The following OR2AP1 variants were observed in gnomAD, a reference collection of about 807,000 sequenced individuals.
OR2AP1 encodes the protein olfactory receptor family 2 subfamily AP member 1.
In OR2AP1, 20 loss-of-function variants were observed where a neutral mutation model predicts 13.9. The observed-to-expected ratio is 1.44, with a 90% CI of 1.01 to 2.09. The LOEUF (loss-of-function observed/expected upper bound fraction) is 2.09. Among genes scored for constraint, OR2AP1 ranks in the 30% most tolerant of loss-of-function variants. The pLI is 0.00. For missense variants in OR2AP1, 490 were observed against 360.6 expected, an observed-to-expected ratio of 1.36 and a Z score of -2.91; for synonymous variants, 174 against 137.0, an observed-to-expected ratio of 1.27 and a Z score of -1.89.
In OR2AP1 at chr12:55,574,608, C is replaced by T. The variant is rs902700210; in HGVS notation, c.194C>T (p.Ser65Phe). Residue 65 changes from serine to phenylalanine, a missense_variant, in exon 2 of 2, where the codon TCC becomes TTC. By Grantham distance (155) the Ser-to-Phe change is radical (BLOSUM62 -2). Transcript: ENST00000641114. ...ATGTATTTCTTTCTCCGGAACTTCT[C>T]CTTCTTGGAAATTTCCTTCACAAAC... ...TPMYFFLRNF[S>F]FLEISFTNIF... 10 of 1,540,960 alleles carry T rather than the reference C, an allele frequency of 6.5e-6. No individual in the cohort carries two copies. Among genetic ancestry groups the T allele is most frequent in the Non-Finnish European group, 7.0e-6 (8 of 1,148,318 alleles).
intron 1 of OR2AP1, among the ~76,000 whole-genome samples, chr12:55,573,782 A>C (rs962045046): frequency 2.6e-5 from 4 of 152,212 alleles, no homozygotes; most frequent in Non-Finnish European, 5.9e-5. Context: ...AAAGGACAGA[A>C]TAGCATAACC....
chr12:55,574,305 T>G lies in OR2AP1; in HGVS notation c.-110T>G. 3.2e-6 allele frequency: 2 copies of G among 628,614 alleles called. No homozygotes were observed. The highest frequency in any genetic ancestry group is 4.0e-5 in the South Asian group (2 of 49,784). The allele number at this position is 628,614 out of a possible 1,614,324, so 38.9% of individuals were successfully genotyped here. On this transcript the variant is annotated 5_prime_UTR_variant, in exon 2 of 2. Transcript: ENST00000641114. ...CATCAGAGGAGAAGTTAATCATCCATTTCATTTTTTTCTTGTCAGACTTCA... is the reference window on the plus strand; with the variant it reads ...CATCAGAGGAGAAGTTAATCATCCAGTTCATTTTTTTCTTGTCAGACTTCA...
At position 55,574,263 on chromosome 12, in the gene OR2AP1, A is replaced by G; in HGVS notation, c.-152A>G. ...GGATCCAACATCATTCAAATGGGCC[A>G]CTGGTCTGGACTATGTCATCAGAGG... On this transcript the variant is annotated 5_prime_UTR_variant, in exon 2 of 2. Coordinates refer to ENST00000641114, the MANE Select transcript of OR2AP1 (RefSeq NM_001258285.2). 3.4e-6 allele frequency: 2 copies of G among 595,920 alleles called. No homozygotes were observed. The highest frequency in any genetic ancestry group is 4.3e-5 in the South Asian group (2 of 46,686). 36.9% of individuals were successfully genotyped at this position (595,920 alleles called of 1,614,324 possible).
Position 55,574,640 on chromosome 12 carries a change from A to T in OR2AP1, c.226A>T (p.Ile76Phe). ...FLEISFTNIFIPRVLISITTG... is the reference protein window; with the variant it reads ...FLEISFTNIFFPRVLISITTG... The stretch of plus-strand genomic sequence containing the variant: ...GGAAATTTCCTTCACAAACATCTTC[A>T]TTCCAAGGGTCCTGATTAGCATCAC... The change falls in exon 2 of 2, where the codon ATT (isoleucine) becomes TTT (phenylalanine). Residue 76 changes from isoleucine (I) to phenylalanine (F), a missense_variant. Physicochemically the swap from Ile to Phe is conservative, Grantham distance 21. Coordinates refer to ENST00000641114, the MANE Select transcript of OR2AP1 (RefSeq NM_001258285.2). 1 of 1,543,686 alleles carries T rather than the reference A, an allele frequency of 6.5e-7. No homozygotes were observed. The highest frequency in any genetic ancestry group is 8.7e-7 in the Non-Finnish European group (1 of 1,148,668).
Position 55,575,110 on chromosome 12 carries a change from G to C in OR2AP1, c.696G>C (p.Arg232Ser). The change falls in exon 2 of 2, where the codon AGG becomes AGC. Residue 232 changes from arginine (R) to serine (S), a missense_variant. Coordinates refer to ENST00000641114, the MANE Select transcript of OR2AP1 (RefSeq NM_001258285.2). ...TGAAGCTCCCCTCTGCCCAACAAAGGACAAAAGCCTTTTCCACATGTTCTT... is the reference window on the plus strand; with the variant it reads ...TGAAGCTCCCCTCTGCCCAACAAAGCACAAAAGCCTTTTCCACATGTTCTT... ...TILKLPSAQQ[R>S]TKAFSTCSSH... The C allele has an allele frequency of 1.3e-6, 2 of 1,588,144 alleles. No individual in the cohort carries two copies. Among genetic ancestry groups the C allele is most frequent in the Non-Finnish European group, 1.7e-6 (2 of 1,171,936 alleles).
In OR2AP1 at chr12:55,575,365, C is replaced by A; in HGVS notation, c.*21C>A. 2 of 1,363,898 alleles carry A rather than the reference C, an allele frequency of 1.5e-6. No homozygotes were observed. The highest frequency in any genetic ancestry group is 2.0e-6 in the Non-Finnish European group (2 of 1,013,154). 84.5% of individuals were successfully genotyped at this position (1,363,898 alleles called of 1,614,324 possible). On this transcript the variant is annotated 3_prime_UTR_variant, in exon 2 of 2. Transcript: ENST00000641114. ...TTTAAAGAATTTAAGAATTATGCAT[C>A]GCGACATTATTCACAATAGCAAAGA...
In OR2AP1 at chr12:55,574,665, C is replaced by T; in HGVS notation, c.251C>T (p.Thr84Ile). ...ATTCCAAGGGTCCTGATTAGCATCA[C>T]AACAGGGAACAAGAGTATCAGCTTT... ...IFIPRVLISITTGNKSISFAG... is the reference protein window; with the variant it reads ...IFIPRVLISIITGNKSISFAG... The change falls in exon 2 of 2, where the codon ACA becomes ATA. Residue 84 changes from threonine to isoleucine, a missense_variant. Physicochemically the swap from Thr to Ile is moderately conservative, Grantham distance 89 (BLOSUM62 -1). Coordinates refer to ENST00000641114, the MANE Select transcript of OR2AP1 (RefSeq NM_001258285.2). The T allele has an allele frequency of 6.5e-7, 1 of 1,548,236 alleles. No individual in the cohort carries two copies.
At chr12:55,572,692 C>G (rs1320708432) in intron 1 of OR2AP1, 70 bp downstream of exon 1, 1 of 152,090 alleles carries the variant, frequency 6.6e-6, no homozygotes, top group Non-Finnish European at 1.5e-5. Context: ...ACCACCAACC[C>G]ATCTCCAAGC....
intron 1 of OR2AP1, among the ~76,000 whole-genome samples, chr12:55,573,458 G>C (rs1874472373): frequency 6.6e-6 from 1 of 151,960 alleles, no homozygotes; most frequent in Non-Finnish European, 1.5e-5. Flanking sequence ...CCCAAATATG[G>C]AATCTCCCAG....
rs1271898266 is a variant in OR2AP1 at position 55,575,472 on chromosome 12, C to A, written c.*128C>A. On this transcript the variant is annotated 3_prime_UTR_variant, in exon 2 of 2. Transcript: ENST00000641114. ...ATATACACCATGGAATACTATGCAG[C>A]CATTAAAAATGATGAGTTGATGTCC... The A allele has an allele frequency of 1.7e-6, 1 of 578,710 alleles. No individual in the cohort carries two copies. Among genetic ancestry groups the A allele is most frequent in the East Asian group, 2.9e-5 (1 of 34,448 alleles). 35.8% of individuals were successfully genotyped at this position (578,710 alleles called of 1,614,324 possible).
At position 55,575,112 on chromosome 12, in the gene OR2AP1, C is replaced by A; in HGVS notation, c.698C>A (p.Thr233Lys). The A allele has an allele frequency of 6.3e-7, 1 of 1,590,096 alleles. No individual in the cohort carries two copies. The highest frequency in any genetic ancestry group is 8.5e-7 in the Non-Finnish European group (1 of 1,172,826). The change falls in exon 2 of 2, where the codon ACA becomes AAA. Residue 233 changes from threonine to lysine, a missense_variant. Transcript: ENST00000641114. ...ILKLPSAQQR[T>K]KAFSTCSSHM... The stretch of plus-strand genomic sequence containing the variant: ...AAGCTCCCCTCTGCCCAACAAAGGA[C>A]AAAAGCCTTTTCCACATGTTCTTCC...
chr12:55,574,329 C>T lies in OR2AP1; in HGVS notation c.-86C>T. 1.5e-6 allele frequency: 1 copy of T among 685,906 alleles called. No individual in the cohort carries two copies. The highest frequency in any genetic ancestry group is 2.4e-6 in the Non-Finnish European group (1 of 412,126). 42.5% of individuals were successfully genotyped at this position (685,906 alleles called of 1,614,324 possible). On this transcript the variant is annotated 5_prime_UTR_variant, in exon 2 of 2. Coordinates refer to ENST00000641114, the MANE Select transcript of OR2AP1 (RefSeq NM_001258285.2). ...ATTTCATTTTTTTCTTGTCAGACTT[C>T]ATCCGTTCATTTCAGAGCACCTCTT...
Position 55,574,806 on chromosome 12 carries a change from C to T in OR2AP1, c.392C>T (p.Thr131Ile), listed in dbSNP as rs746660505. Residue 131 changes from threonine (T) to isoleucine (I), a missense_variant, in exon 2 of 2, where the codon ACC (threonine) becomes ATC (isoleucine). Coordinates refer to ENST00000641114, the MANE Select transcript of OR2AP1 (RefSeq NM_001258285.2). ...GCCATCTGCAAACCTCTGCATTACA[C>T]CACCATCATGAGCAGCAGAATCTGC... ...YVAICKPLHY[T>I]TIMSSRICIQ... is the part of the protein sequence containing the mutation. The T allele has an allele frequency of 4.4e-6, 7 of 1,607,124 alleles. No individual in the cohort carries two copies. Among genetic ancestry groups the T allele is most frequent in the Non-Finnish European group, 5.9e-6 (7 of 1,176,730 alleles).
intron 1 of OR2AP1, among the ~76,000 whole-genome samples, chr12:55,573,705 T>C (rs1874477872): frequency 6.6e-6 from 1 of 152,230 alleles, no homozygotes; most frequent in African/African-American, 2.4e-5. Flanking sequence ...CTAAAGATTC[T>C]GAATGTGTTT....
At chr12:55,573,184 CA>C in intron 1 of OR2AP1, among the ~76,000 whole-genome samples, 1 of 149,626 alleles carries the variant, frequency 6.7e-6, no homozygotes, top group Non-Finnish European at 1.5e-5. Flanking sequence ...GCTCAAAATA[CA>C]TATATATATA....
rs746766065 is a variant in OR2AP1, at chr12:55,575,307, C to G, written c.893C>G (p.Pro298Arg). 6 of 1,525,618 alleles carry G rather than the reference C, an allele frequency of 3.9e-6. No individual in the cohort carries two copies. The highest frequency in any genetic ancestry group is 4.4e-6 in the Non-Finnish European group (5 of 1,138,676). 94.5% of individuals were successfully genotyped at this position (1,525,618 alleles called of 1,614,324 possible). A position where few individuals can be genotyped will look rare whatever the true frequency, so the allele number is the denominator to read the frequency against. The part of the protein sequence containing the change: ...YTLRNQQVKQ[P>R]FKDMVKKLLN... ...CTAAGGAACCAACAGGTAAAACAAC[C>G]CTTCAAGGATATGGTCAAAAAGCTT... The change falls in exon 2 of 2, where the codon CCC becomes CGC. Residue 298 changes from proline to arginine, a missense_variant. Pro to Arg is a moderately radical substitution (Grantham distance 103). Transcript: ENST00000641114.
At chr12:55,572,919 T>C (rs761805025) in intron 1 of OR2AP1, among the ~76,000 whole-genome samples, 2 of 152,176 alleles carry the variant, frequency 1.3e-5, no homozygotes, top group African/African-American at 2.4e-5. Context: ...ACATCTGTAA[T>C]CTCAGCACTT....
At position 55,574,983 on chromosome 12, in the gene OR2AP1, C is replaced by G; in HGVS notation, c.569C>G (p.Thr190Arg). 2 of 1,537,328 alleles carry G rather than the reference C, an allele frequency of 1.3e-6. No homozygotes were observed. Among genetic ancestry groups the G allele is most frequent in the Non-Finnish European group, 8.7e-7 (1 of 1,146,720 alleles). Residue 190 changes from threonine (T) to arginine (R), a missense_variant, in exon 2 of 2, where the codon ACA becomes AGA. By Grantham distance (71) the Thr-to-Arg change is moderately conservative. Transcript: ENST00000641114. ...CTTCTGGAACTCTCATGTTCAGACA[C>G]AAGCCTCATAGAGAAGGTTGTCTTT... is the stretch of plus-strand genomic sequence containing the variant. Reference protein sequence around the residue: ...EPLLELSCSDTSLIEKVVFLV... With the variant: ...EPLLELSCSDRSLIEKVVFLV...
At chr12:55,573,982 T>A (rs149261699) in intron 1 of OR2AP1, among the ~76,000 whole-genome samples, 23 of 152,188 alleles carry the variant, frequency 1.5e-4, no homozygotes, top group African/African-American at 5.1e-4. Context: ...ATGACAATTC[T>A]GAGAAGAGTT....
Sources: allele counts gnomAD v4.1 joint callset (sites outside exome capture counted in the v4.1 genomes callset), GRCh38; gene constraint gnomAD v4.1.1; transcripts MANE v1.5; gene names NCBI Gene and HGNC (gene_info 2026-07-23, HGNC 2026-07-21).